The following GLT1D1 variants were observed in gnomAD, a reference collection of about 807,000 sequenced individuals.
GLT1D1 encodes glycosyltransferase 1 domain containing 1.
A neutral mutation model predicts 28.7 loss-of-function variants in GLT1D1; 21 were observed. The ratio of observed to expected loss-of-function variants is 0.73; its 90% CI spans 0.52 to 1.05. GLT1D1 has a LOEUF of 1.05. GLT1D1 is among the 50% of genes least tolerant of loss of function. The pLI, the probability that GLT1D1 is intolerant of heterozygous loss-of-function variation, is 0.00. For missense variants in GLT1D1, 343 were observed against 330.6 expected, an observed-to-expected ratio of 1.04 and a Z score of -0.29; for synonymous variants, 147 against 124.8, an observed-to-expected ratio of 1.18 and a Z score of -1.19.
chr12:128,889,129 C>T (rs148195409), intron 3 of GLT1D1, among the ~76,000 whole-genome samples: 2 of 152,042 alleles, frequency 1.3e-5, no homozygotes, highest in East Asian at 3.9e-4. Flanking sequence ...GAGCAAAGCC[C>T]TCTTTTCAAA....
At chr12:128,906,756 A>AC in intron 4 of GLT1D1, 1 of 413,124 alleles carries the variant, frequency 2.4e-6, no homozygotes, top group Non-Finnish European at 4.2e-6. Context: ...ACTTTGAGTC[A>AC]CCCCCTTCTG....
In GLT1D1 at chr12:128,983,192, A is replaced by C; in HGVS notation, c.*102A>C. The C allele has an allele frequency of 9.5e-7, 1 of 1,053,378 alleles. No homozygotes were observed. The allele number at this position is 1,053,378 out of a possible 1,614,324, so 65.3% of individuals were successfully genotyped here. On this transcript the variant is annotated 3_prime_UTR_variant, in exon 8 of 8. Coordinates refer to ENST00000281703, the MANE Select transcript of GLT1D1 (RefSeq NM_144669.3). The surrounding 1 kb of genome is among the most constrained non-coding windows in gnomAD (Gnocchi z 4.7). The stretch of plus-strand genomic sequence containing the variant: ...GTGGGCCCAGTGCAGTTCAAATAAA[A>C]CCAGCCTCAGCGGAATCCTAGAAAA...
chr12:128,899,968 T>C (rs1324054677), intron 4 of GLT1D1, among the ~76,000 whole-genome samples: 3 of 152,200 alleles, frequency 2.0e-5, no homozygotes, highest in Non-Finnish European at 2.9e-5. Flanking sequence ...GTTTCCTGGG[T>C]TGGACCGTTT....
chr12:128,908,095 A>G (rs1871069091), intron 4 of GLT1D1, among the ~76,000 whole-genome samples: 1 of 151,894 alleles, frequency 6.6e-6, no homozygotes, highest in African/African-American at 2.4e-5. Context: ...TTAACTATTT[A>G]TTTTTTAGAC....
At position 128,899,280 on chromosome 12, in the gene GLT1D1, C is replaced by T. The variant is rs147734790; in HGVS notation, c.368C>T (p.Ala123Val). 118 of 1,613,106 alleles carry T rather than the reference C, an allele frequency of 7.3e-5. No individual in the cohort carries two copies. The highest frequency in any genetic ancestry group is 3.7e-4 in the African/African-American group (28 of 75,016). The stretch of plus-strand genomic sequence containing the variant: ...GAGTCAATGAAGGAAATGGCACAAG[C>T]GCAGTGGGTATGTGTTTATCTGGTG... The change falls in exon 4 of 8, where the codon GCG becomes GTG. Residue 123 changes from alanine to valine, a missense_variant. By Grantham distance (64) the Ala-to-Val change is moderately conservative (BLOSUM62 0). Coordinates refer to ENST00000281703, the MANE Select transcript of GLT1D1 (RefSeq NM_144669.3).
chr12:128,929,003 C>T (rs1032582368), intron 4 of GLT1D1, among the ~76,000 whole-genome samples: 2 of 152,124 alleles, frequency 1.3e-5, no homozygotes, highest in Non-Finnish European at 2.9e-5. Context: ...GAAACCTGTT[C>T]CCCAGTGTGA....
intron 4 of GLT1D1, among the ~76,000 whole-genome samples, chr12:128,939,337 G>A (rs531005766): frequency 7.9e-5 from 12 of 151,830 alleles, no homozygotes; most frequent in Middle Eastern, 3.4e-3. Flanking sequence ...CAAGGTGGGC[G>A]GATCACTTAA....
At chr12:128,924,525 T>G (rs1435002709) in intron 4 of GLT1D1, among the ~76,000 whole-genome samples, 1 of 151,874 alleles carries the variant, frequency 6.6e-6, no homozygotes, top group African/African-American at 2.4e-5. Flanking sequence ...GCAGTGACCT[T>G]GGCTCACTGC....
intron 3 of GLT1D1, among the ~76,000 whole-genome samples, 187 bp downstream of exon 3, chr12:128,888,931 G>A (rs1398956632): frequency 1.3e-5 from 2 of 152,154 alleles, no homozygotes; most frequent in Non-Finnish European, 2.9e-5. Flanking sequence ...TTGCTAACAG[G>A]TTATTGCACT....
chr12:128,893,505 A>G (rs1869299220), intron 3 of GLT1D1, among the ~76,000 whole-genome samples: 2 of 152,206 alleles, frequency 1.3e-5, no homozygotes, highest in Non-Finnish European at 2.9e-5. Flanking sequence ...ATCTATTTCA[A>G]AATGGCAATG....
chr12:128,981,154 C>T (rs1191761447), intron 7 of GLT1D1, among the ~76,000 whole-genome samples: 4 of 152,178 alleles, frequency 2.6e-5, no homozygotes, highest in Admixed American at 2.6e-4. Flanking sequence ...AGCCAGCAGC[C>T]AAGACGTTGC....
intron 4 of GLT1D1, among the ~76,000 whole-genome samples, chr12:128,899,868 T>G (rs917196252): frequency 1.3e-5 from 2 of 152,134 alleles, no homozygotes; most frequent in African/African-American, 4.8e-5. Context: ...TCTTTCTATG[T>G]TCTCAGATCG....
chr12:128,888,550 C>A, intron 2 of GLT1D1, 89 bp from the exon 3 acceptor site: 1 of 817,716 alleles, frequency 1.2e-6, no homozygotes, highest in South Asian at 1.6e-5. Flanking sequence ...GATCTGGGAA[C>A]TTCAGTGTTT....
chr12:128,882,933 AT>A (rs1311965181), intron 2 of GLT1D1, among the ~76,000 whole-genome samples: 280 of 144,748 alleles, frequency 1.9e-3, no homozygotes, highest in South Asian at 5.1e-3. Context: ...TATATTTTTA[AT>A]TTTTTTTTTT....
chr12:128,883,131 G>A (rs1957097408), intron 2 of GLT1D1, among the ~76,000 whole-genome samples: 1 of 149,692 alleles, frequency 6.7e-6, no homozygotes, highest in Admixed American at 6.7e-5. Context: ...TCATCATGTT[G>A]GCCAGGATGG....
rs543020578 is a variant in GLT1D1 at position 128,927,202 on chromosome 12, T to C, written c.376-18124T>C. Reference sequence around the variant, plus strand: ...CTTATCTCATCTCTGTTTTCCTCTATATACTTTTTATGTATTTTCTACAAT... The same window carrying C: ...CTTATCTCATCTCTGTTTTCCTCTACATACTTTTTATGTATTTTCTACAAT... On this transcript the variant is annotated intron_variant, in intron 4 of 7. Transcript: ENST00000281703. The C allele has an allele frequency of 1.4e-5, 19 of 1,315,232 alleles. No homozygotes were observed. The Admixed American group carries it at 1.8e-4, about 12-fold the overall frequency. The allele number at this position is 1,315,232 out of a possible 1,614,324, so 81.5% of individuals were successfully genotyped here.
intron 1 of GLT1D1, among the ~76,000 whole-genome samples, chr12:128,859,699 A>G (rs1956310448): frequency 6.6e-6 from 1 of 152,220 alleles, no homozygotes; most frequent in South Asian, 2.1e-4. Context: ...ATGAAAGGCC[A>G]TGAGATTTGT....
intron 4 of GLT1D1, among the ~76,000 whole-genome samples, chr12:128,932,238 A>C (rs1450217582): frequency 6.6e-6 from 1 of 152,132 alleles, no homozygotes; most frequent in Non-Finnish European, 1.5e-5. Context: ...CATCTGTAAC[A>C]TACCTGATGA....
At chr12:128,905,249 T>G (rs995112880) in intron 4 of GLT1D1, among the ~76,000 whole-genome samples, 26 of 152,218 alleles carry the variant, frequency 1.7e-4, no homozygotes, top group African/African-American at 6.0e-4. Flanking sequence ...GTGTGTGAAG[T>G]CTTTGAAATC....
Sources: gnomAD v4.1 joint callset for allele counts (sites outside exome capture counted in the v4.1 genomes callset) on GRCh38, gnomAD v4.1.1 for gene constraint, Gnocchi (gnomAD v3.1) non-coding constraint, MANE v1.5 for transcripts, NCBI Gene and HGNC (gene_info 2026-07-23, HGNC 2026-07-21) for gene names.